The following HIVEP3 variants were observed in gnomAD, a reference collection of about 807,000 sequenced individuals.
HIVEP3 encodes the protein transcription factor HIVEP3.
Under a neutral mutation model 152.8 loss-of-function variants are expected in HIVEP3, and 49 were observed. The observed-to-expected ratio is 0.32, with a 90% CI of 0.26 to 0.41. HIVEP3 has a LOEUF of 0.41. Ranked by LOEUF, HIVEP3 falls within the 10% of genes least tolerant of loss-of-function variation. The pLI, the probability that HIVEP3 is intolerant of heterozygous loss-of-function variation, is 1.00. For synonymous variants in HIVEP3, 1,269 were observed against 1,289.0 expected (o/e 0.98, Z 0.33); for missense variants, 2,790 against 3,103.3 (o/e 0.90, Z 2.40).
intron 1 of HIVEP3, among the ~76,000 whole-genome samples, chr1:41,779,790 C>T (rs1207209519): frequency 2.6e-5 from 4 of 152,138 alleles, no homozygotes; most frequent in African/African-American, 9.7e-5. Flanking sequence ...TGCCACCGTA[C>T]CTGGCCAGAA....
At chr1:41,787,632 C>T (rs532535737) in intron 1 of HIVEP3, among the ~76,000 whole-genome samples, 1 of 151,158 alleles carries the variant, frequency 6.6e-6, no homozygotes, top group East Asian at 1.9e-4. Flanking sequence ...CTCCTGAGCT[C>T]CAGCGATCCT....
chr1:41,510,459 T>A lies in HIVEP3; in HGVS notation c.7213A>T (p.Asn2405Tyr). Residue 2405 changes from asparagine (N) to tyrosine (Y), a missense_variant, in exon 9 of 9, where the codon AAC becomes TAC. Transcript: ENST00000372583. Reference protein sequence around the residue: ...PHQPEDRVPPNA With the variant: ...PHQPEDRVPPYA ...AAGCAGTTGGAGAGAGGCTAAGCGT[T>A]GGGGGGAACCCTGTCCTCAGGCTGA... 1 of 1,496,868 alleles carries A rather than the reference T, an allele frequency of 6.7e-7. No homozygotes were observed. Among genetic ancestry groups the A allele is most frequent in the East Asian group, 2.4e-5 (1 of 41,164 alleles). The allele number at this position is 1,496,868 out of a possible 1,614,324, so 92.7% of individuals were successfully genotyped here.
In HIVEP3 at chr1:41,583,876, A is replaced by G; in HGVS notation, c.922T>C (p.Ser308Pro). Reference protein sequence around the residue: ...LSPRPKQPLLSSGLYSSGSHS... With the variant: ...LSPRPKQPLLPSGLYSSGSHS... The stretch of plus-strand genomic sequence containing the variant: ...CTCCCAGAGCTGTATAGCCCGCTGG[A>G]GAGAAGGGGCTGCTTGGGTCTTGGG... Residue 308 changes from serine (S) to proline (P), a missense_variant, in exon 4 of 9, where the codon TCC becomes CCC. Coordinates refer to ENST00000372583, the MANE Select transcript of HIVEP3 (RefSeq NM_024503.5). The surrounding 1 kb of genome is among the most constrained non-coding windows in gnomAD (Gnocchi z 6.9). The G allele has an allele frequency of 6.2e-7, 1 of 1,613,624 alleles. No individual in the cohort carries two copies. Among genetic ancestry groups the G allele is most frequent in the Admixed American group, 1.7e-5 (1 of 60,006 alleles).
chr1:41,763,392 T>A (rs1233229480), intron 1 of HIVEP3, among the ~76,000 whole-genome samples: 6 of 152,172 alleles, frequency 3.9e-5, no homozygotes, highest in Non-Finnish European at 8.8e-5. Context: ...TCCATCTGGC[T>A]GCAGCAGCAG....
chr1:41,639,226 A>C (rs768551637), intron 2 of HIVEP3, among the ~76,000 whole-genome samples: 51 of 152,352 alleles, frequency 3.3e-4, no homozygotes, highest in Non-Finnish European at 6.3e-4. Flanking sequence ...GCAGAATCAT[A>C]TGGAATAATC....
intron 1 of HIVEP3, among the ~76,000 whole-genome samples, chr1:42,031,068 C>G (rs1307063089): frequency 6.6e-6 from 1 of 152,206 alleles, no homozygotes; most frequent in East Asian, 1.9e-4. Flanking sequence ...AAAGTGGAGA[C>G]TGTATCTTCT....
chr1:41,743,056 C>T (rs1034564684), intron 1 of HIVEP3, among the ~76,000 whole-genome samples: 3 of 151,582 alleles, frequency 2.0e-5, no homozygotes, highest in African/African-American at 7.3e-5. Flanking sequence ...AATACCACAT[C>T]ATGAGGGGGC....
intron 1 of HIVEP3, among the ~76,000 whole-genome samples, chr1:41,821,489 C>T (rs537524905): frequency 3.0e-4 from 45 of 152,266 alleles, no homozygotes; most frequent in Non-Finnish European, 5.0e-4. Context: ...CAAAACCAGG[C>T]TCTCTGAGTC....
intron 2 of HIVEP3, among the ~76,000 whole-genome samples, chr1:41,653,186 G>A (rs1443511599): frequency 6.6e-6 from 1 of 151,872 alleles, no homozygotes; most frequent in Non-Finnish European, 1.5e-5. Context: ...CTCTTCTCCA[G>A]CTATTCTGTA....
chr1:41,700,736 C>A (rs1034995970), intron 2 of HIVEP3, among the ~76,000 whole-genome samples, 180 bp downstream of exon 2: 1 of 152,242 alleles, frequency 6.6e-6, no homozygotes, highest in Non-Finnish European at 1.5e-5. Context: ...GAAATGCCAG[C>A]TGCAGGACTC....
chr1:41,869,790 GTTT>G (rs1278914007), intron 1 of HIVEP3, among the ~76,000 whole-genome samples: 1 of 152,174 alleles, frequency 6.6e-6, no homozygotes, highest in East Asian at 1.9e-4. Flanking sequence ...AATCTGTACA[GTTT>G]TTTAATATCA....
chr1:41,602,745 T>C (rs1644765800), intron 3 of HIVEP3, among the ~76,000 whole-genome samples: 1 of 152,092 alleles, frequency 6.6e-6, no homozygotes, highest in African/African-American at 2.4e-5. Flanking sequence ...GTAATCCTTA[T>C]ATCTTTCCTT....
chr1:41,798,147 G>A (rs891127980), intron 1 of HIVEP3, among the ~76,000 whole-genome samples: 3 of 152,064 alleles, frequency 2.0e-5, no homozygotes, highest in Admixed American at 6.6e-5. Context: ...CGTGGGGTGC[G>A]GGGAGTGGGG....
In HIVEP3 at chr1:41,724,262, G is replaced by T. The variant is rs113763993; in HGVS notation, c.-800-23267C>A. On this transcript the variant is annotated intron_variant, in intron 1 of 8. Transcript: ENST00000372583. ...TTCTACAAATGCAGCTTCAAGATAA[G>T]TCTTCTGTATGTTCCCACCCCTCAC... is the stretch of plus-strand genomic sequence containing the variant. Among the ~76,000 whole-genome samples the T allele has an allele frequency of 5.9e-5, 9 of 152,334 alleles. 1 individual carries two copies. Among genetic ancestry groups the T allele is most frequent in the African/African-American group, 2.2e-4 (9 of 41,574 alleles).
intron 1 of HIVEP3, among the ~76,000 whole-genome samples, chr1:41,931,966 G>A (rs368715056): frequency 1.0e-3 from 154 of 151,644 alleles, no homozygotes; most frequent in African/African-American, 3.5e-3. Flanking sequence ...TGTACTATAG[G>A]ACTTTCCATA....
chr1:41,884,271 T>C (rs1644309134), intron 1 of HIVEP3, among the ~76,000 whole-genome samples: 1 of 152,170 alleles, frequency 6.6e-6, no homozygotes, highest in African/African-American at 2.4e-5. Context: ...ATGAGCCCCC[T>C]CCAGTAATTT....
intron 1 of HIVEP3, among the ~76,000 whole-genome samples, chr1:41,733,925 C>T (rs574224840): frequency 1.3e-5 from 2 of 152,306 alleles, no homozygotes; most frequent in South Asian, 4.1e-4. Context: ...CAACCTCCAG[C>T]CCCTGCACAG....
intron 1 of HIVEP3, among the ~76,000 whole-genome samples, chr1:42,002,420 C>T (rs1557557327): frequency 6.6e-6 from 1 of 152,176 alleles, no homozygotes; most frequent in Admixed American, 6.5e-5. Context: ...GGAGTTTCAC[C>T]CATCTGCCCA....
At chr1:41,815,879 C>T (rs1043374942) in intron 1 of HIVEP3, among the ~76,000 whole-genome samples, 6 of 152,022 alleles carry the variant, frequency 3.9e-5, no homozygotes, top group African/African-American at 1.4e-4. Context: ...AAGCAATCCT[C>T]CTGTCTCAGC....
Sources: allele counts gnomAD v4.1 joint callset (sites outside exome capture counted in the v4.1 genomes callset), GRCh38; gene constraint gnomAD v4.1.1; non-coding constraint Gnocchi (gnomAD v3.1); transcripts MANE v1.5; gene names NCBI Gene and HGNC (gene_info 2026-07-23, HGNC 2026-07-21).